The following GLIS3 variants were observed in gnomAD, a reference collection of about 807,000 sequenced individuals.
The protein encoded by GLIS3 is zinc finger protein GLIS3.
Under a neutral mutation model 78.6 loss-of-function variants are expected in GLIS3, and 53 were observed. That is an observed-to-expected ratio of 0.67 (90% CI 0.54 to 0.85). The LOEUF (loss-of-function observed/expected upper bound fraction) is 0.85, where lower values mean the gene tolerates loss of function less well. GLIS3 is among the 40% of genes least tolerant of loss of function. The pLI is 0.00. For missense variants in GLIS3, 1,703 were observed against 1,231.1 expected, an observed-to-expected ratio of 1.38 and a Z score of -5.74; for synonymous variants, 684 against 509.9, an observed-to-expected ratio of 1.34 and a Z score of -4.60.
rs948466776 is a variant in GLIS3 at position 3,968,567 on chromosome 9, T to A, written c.1711-31378A>T. The stretch of plus-strand genomic sequence containing the variant: ...AATTATACAAATTATATAAGAAAGC[T>A]AAGGTATTGTATTTTTATGTTCTCC... On this transcript the variant is annotated intron_variant, in intron 4 of 10. Coordinates refer to ENST00000381971, the MANE Select transcript of GLIS3 (RefSeq NM_001042413.2). 1.2e-4 allele frequency among the ~76,000 whole-genome samples: 18 copies of A among 152,188 alleles called. No homozygotes were observed. In the East Asian group the frequency reaches 3.5e-3, roughly 29 times the overall value.
At chr9:4,018,921 A>C (rs889810610) in intron 4 of GLIS3, among the ~76,000 whole-genome samples, 3 of 152,204 alleles carry the variant, frequency 2.0e-5, no homozygotes, top group Admixed American at 6.5e-5. Context: ...TGACAGGCTG[A>C]GGTTCAAATT....
At chr9:4,145,740 T>G (rs112504398) in intron 2 of GLIS3, among the ~76,000 whole-genome samples, 5 of 151,568 alleles carry the variant, frequency 3.3e-5, no homozygotes, top group African/African-American at 1.2e-4. Flanking sequence ...CCCTCCTCCC[T>G]TTGTTCCCCC....
At chr9:4,311,721 A>G (rs940267550) in intron 2 of GLIS3, among the ~76,000 whole-genome samples, 2 of 152,270 alleles carry the variant, frequency 1.3e-5, no homozygotes, top group Middle Eastern at 3.4e-3. Context: ...CCTGCCTTCT[A>G]TAAAACACTG....
the GLIS3 span, among the ~76,000 whole-genome samples, chr9:4,483,455 C>CA: frequency 6.6e-6 from 1 of 152,064 alleles, no homozygotes. Context: ...TGCGGTGGCT[C>CA]ACGCCTGTAA....
At chr9:4,228,403 T>C (rs570021875) in intron 2 of GLIS3, among the ~76,000 whole-genome samples, 2 of 152,268 alleles carry the variant, frequency 1.3e-5, no homozygotes, top group Non-Finnish European at 2.9e-5. Flanking sequence ...AACCCTCCAG[T>C]GCAATGATAC....
the GLIS3 span, among the ~76,000 whole-genome samples, chr9:4,369,733 T>C: frequency 6.6e-6 from 1 of 152,184 alleles, no homozygotes; most frequent in Non-Finnish European, 1.5e-5. Context: ...GATCACTGAC[T>C]ATCAGAATCC....
chr9:4,035,153 T>G (rs1411531716), intron 4 of GLIS3: 2 of 152,076 alleles, frequency 1.3e-5, no homozygotes, highest in African/African-American at 4.8e-5. Flanking sequence ...CTGTACAGAG[T>G]GCTAAGCAGT....
chr9:4,239,669 T>C (rs1823109467), intron 2 of GLIS3, among the ~76,000 whole-genome samples: 1 of 152,230 alleles, frequency 6.6e-6, no homozygotes, highest in South Asian at 2.1e-4. Flanking sequence ...GATCTAAAGA[T>C]TGTTTCTGAC....
chr9:4,385,812 A>AGAG, the GLIS3 span, among the ~76,000 whole-genome samples: 2 of 44,192 alleles, frequency 4.5e-5, no homozygotes, highest in African/African-American at 1.5e-4. Flanking sequence ...AAAGAAAGAA[A>AGAG]AGAAAGAAAG....
chr9:4,055,021 T>C (rs1826030983), intron 4 of GLIS3, among the ~76,000 whole-genome samples: 2 of 151,090 alleles, frequency 1.3e-5, no homozygotes, highest in African/African-American at 4.8e-5. Flanking sequence ...AAATCATGAT[T>C]ATGGTACTTG....
chr9:4,159,078 G>C (rs578211284), intron 2 of GLIS3, among the ~76,000 whole-genome samples: 2 of 147,962 alleles, frequency 1.4e-5, no homozygotes, highest in South Asian at 4.3e-4. Flanking sequence ...TACTCGGCAA[G>C]GGAGAATGTG....
At chr9:4,399,988 G>A in the GLIS3 span, among the ~76,000 whole-genome samples, 1 of 152,194 alleles carries the variant, frequency 6.6e-6, no homozygotes, top group African/African-American at 2.4e-5. Flanking sequence ...GGAGTGGGAT[G>A]GCGAGTGAGG....
chr9:4,432,024 G>A, the GLIS3 span, among the ~76,000 whole-genome samples: 1 of 152,122 alleles, frequency 6.6e-6, no homozygotes, highest in Middle Eastern at 3.2e-3. Flanking sequence ...CAGCAGGACC[G>A]ATCTGGCCTG....
intron 4 of GLIS3, among the ~76,000 whole-genome samples, chr9:3,956,260 C>A (rs1817106084): frequency 6.6e-6 from 1 of 152,092 alleles, no homozygotes; most frequent in Non-Finnish European, 1.5e-5. Context: ...ATTTCAGTTT[C>A]TCAAGTCTCA....
intron 3 of GLIS3, among the ~76,000 whole-genome samples, chr9:4,309,282 G>A (rs898814554): frequency 6.6e-6 from 1 of 152,140 alleles, no homozygotes; most frequent in East Asian, 1.9e-4. Context: ...GAAAAAGCAA[G>A]AAATAATTCA....
intron 4 of GLIS3, among the ~76,000 whole-genome samples, chr9:4,094,465 T>C (rs1473406862): frequency 6.6e-6 from 1 of 152,224 alleles, no homozygotes; most frequent in African/African-American, 2.4e-5. Flanking sequence ...GTGCCAGTGC[T>C]ATAAAGGTCA....
At chr9:4,420,736 T>G in the GLIS3 span, among the ~76,000 whole-genome samples, 1 of 152,158 alleles carries the variant, frequency 6.6e-6, no homozygotes, top group South Asian at 2.1e-4. Context: ...TACCTGAGAC[T>G]GGGTAAATTA....
chr9:3,994,673 C>A (rs531998135), intron 4 of GLIS3, among the ~76,000 whole-genome samples: 2 of 152,288 alleles, frequency 1.3e-5, no homozygotes, highest in East Asian at 3.9e-4. Context: ...GACCTCTAGC[C>A]TCTCCCTGAT....
intron 4 of GLIS3, among the ~76,000 whole-genome samples, chr9:4,015,888 C>CAAAAAAAAAAAAAAAAAA (rs1049791263): frequency 3.1e-5 from 1 of 32,254 alleles, no homozygotes. Context: ...GACTCTGTCT[C>CAAAAAAAAAAAAAAAAAA]AAAAAAAAAA....
Sources: gnomAD v4.1 joint callset for allele counts (sites outside exome capture counted in the v4.1 genomes callset) on GRCh38, gnomAD v4.1.1 for gene constraint, MANE v1.5 for transcripts, NCBI Gene and HGNC (gene_info 2026-07-23, HGNC 2026-07-21) for gene names.